The following PTPRA variants were observed in gnomAD, a reference collection of about 807,000 sequenced individuals.
PTPRA encodes receptor-type tyrosine-protein phosphatase alpha.
PTPRA carries 25 observed loss-of-function variants against 104.8 expected under a neutral mutation model. That is an observed-to-expected ratio of 0.24 (90% CI 0.17 to 0.33). The LOEUF is 0.33. Ranked by LOEUF, PTPRA falls within the 10% of genes least tolerant of loss-of-function variation. The probability of loss-of-function intolerance (pLI) is 1.00; values close to 1 mark genes in which losing one functional copy is unlikely to be tolerated. For synonymous variants in PTPRA, 323 were observed against 368.9 expected (o/e 0.88, Z 1.43); for missense variants, 765 against 1,015.3 (o/e 0.75, Z 3.35).
intron 14 of PTPRA, among the ~76,000 whole-genome samples, 197 bp from the exon 15 acceptor site, chr20:3,021,857 C>T (rs1480541540): frequency 6.6e-6 from 1 of 152,208 alleles, no homozygotes; most frequent in African/African-American, 2.4e-5. Flanking sequence ...GAAAAGAGGA[C>T]TTAGCTGGGA....
intron 9 of PTPRA, among the ~76,000 whole-genome samples, chr20:2,995,634 T>C (rs898462894): frequency 2.6e-5 from 4 of 152,176 alleles, no homozygotes; most frequent in African/African-American, 9.7e-5. Flanking sequence ...AGCCTTATCT[T>C]TCTCATGAGC....
chr20:2,964,368 A>G lies in PTPRA; in HGVS notation c.73+18A>G. 2 of 1,558,726 alleles carry G rather than the reference A, an allele frequency of 1.3e-6. No individual in the cohort carries two copies. The highest frequency in any genetic ancestry group is 1.4e-5 in the African/African-American group (1 of 72,838). Reference sequence around the variant, plus strand: ...TACCACAGGTAAATTGTCATTTGATAAGGCTGCTATTTGAAATGAAATTTT... The same window carrying G: ...TACCACAGGTAAATTGTCATTTGATGAGGCTGCTATTTGAAATGAAATTTT... On this transcript the variant is annotated intron_variant, in intron 4 of 23. Coordinates refer to ENST00000399903, the MANE Select transcript of PTPRA (RefSeq NM_001385305.1).
At chr20:2,995,092 T>C (rs949941249) in intron 9 of PTPRA, among the ~76,000 whole-genome samples, 7 of 152,190 alleles carry the variant, frequency 4.6e-5, no homozygotes, top group African/African-American at 1.7e-4. Flanking sequence ...ATTGCACCAC[T>C]GCTCTCCAGC....
intron 9 of PTPRA, among the ~76,000 whole-genome samples, chr20:2,996,769 T>C (rs1056857770): frequency 1.3e-5 from 2 of 152,228 alleles, no homozygotes; most frequent in African/African-American, 4.8e-5. Context: ...CTAACCATTA[T>C]TTTGGACCTA....
chr20:3,016,135 T>C (rs7264982), intron 12 of PTPRA, among the ~76,000 whole-genome samples: 8,371 of 152,274 alleles, frequency 0.055, 726 homozygotes, highest in African/African-American at 0.19. Context: ...GAAAAGGCTG[T>C]ATACACAAAA....
intron 3 of PTPRA, among the ~76,000 whole-genome samples, chr20:2,951,919 TCACGA>T (rs1278084102): frequency 6.6e-6 from 1 of 152,044 alleles, no homozygotes; most frequent in African/African-American, 2.4e-5. Context: ...GGCAGGCGGA[TCACGA>T]GGTCAAGAGA....
intron 20 of PTPRA, among the ~76,000 whole-genome samples, chr20:3,028,234 AG>A (rs2065246857): frequency 6.6e-6 from 1 of 152,218 alleles, no homozygotes; most frequent in Non-Finnish European, 1.5e-5. Flanking sequence ...AGATAGGTCA[AG>A]GTTCTGAGGT....
rs764342890 is a variant in PTPRA at position 2,965,076 on chromosome 20, A to G, written c.289A>G (p.Ile97Val). The G allele has an allele frequency of 1.3e-5, 21 of 1,613,888 alleles. No homozygotes were observed. Among genetic ancestry groups the G allele is most frequent in the East Asian group, 6.7e-5 (3 of 44,902 alleles). The change falls in exon 5 of 24, where the codon ATA becomes GTA. Residue 97 changes from isoleucine to valine, a missense_variant. Coordinates refer to ENST00000399903, the MANE Select transcript of PTPRA (RefSeq NM_001385305.1). ...GTTRTASTNSIGITISPNGTW... is the reference protein window; with the variant it reads ...GTTRTASTNSVGITISPNGTW... ...CACAAGAACAGCAAGCACCAATTCT[A>G]TAGGCATTACAATTTCACCAAATGG...
intron 13 of PTPRA, among the ~76,000 whole-genome samples, chr20:3,019,403 GGTT>G (rs1280849310): frequency 6.6e-6 from 1 of 150,858 alleles, no homozygotes; most frequent in East Asian, 2.0e-4. Context: ...CAGACGGGGC[GGTT>G]GCCAGGCAGA....
chr20:3,019,533 G>C (rs1386118757), intron 13 of PTPRA, among the ~76,000 whole-genome samples: 3 of 150,976 alleles, frequency 2.0e-5, no homozygotes, highest in Non-Finnish European at 3.0e-5. Context: ...GGGCAGAGAC[G>C]CTCCTCACTT....
chr20:3,020,607 C>T (rs1198470456), intron 13 of PTPRA, among the ~76,000 whole-genome samples: 2 of 152,230 alleles, frequency 1.3e-5, no homozygotes, highest in Non-Finnish European at 2.9e-5. Context: ...CAAGTGCATG[C>T]CTGGCCTAAC....
intron 20 of PTPRA, among the ~76,000 whole-genome samples, chr20:3,034,820 AC>A (rs1304075855): frequency 1.3e-5 from 2 of 152,072 alleles, no homozygotes; most frequent in African/African-American, 4.8e-5. Context: ...CTCAGATCTT[AC>A]CCCCAAATTC....
At position 2,988,047 on chromosome 20, in the gene PTPRA, G is replaced by A; in HGVS notation, c.543G>A (p.Lys181=). 6.3e-7 allele frequency: 1 copy of A among 1,582,836 alleles called. No homozygotes were observed. Among genetic ancestry groups the A allele is most frequent in the Non-Finnish European group, 8.7e-7 (1 of 1,151,564 alleles). The part of the protein sequence containing the change: ...VLYMLRFKKY[K]QAGSHSNSFR... ...TTCTCATTAGGTTTAAGAAATACAA[G>A]CAAGCTGGGAGCCATTCCAATTCTT... is the stretch of plus-strand genomic sequence containing the variant. The change falls in exon 8 of 24, where the codon AAG becomes AAA. Residue 181 remains lysine, a synonymous_variant. Transcript: ENST00000399903.
intron 9 of PTPRA, among the ~76,000 whole-genome samples, chr20:2,992,674 TCCAAA>T (rs879346683): frequency 0.63 from 95,821 of 151,920 alleles, 32,128 homozygotes; most frequent in East Asian, 0.88. Context: ...TATATCCATA[TCCAAA>T]TATTACGATT....
intron 9 of PTPRA, among the ~76,000 whole-genome samples, chr20:3,004,665 C>A (rs1177350500): frequency 6.6e-6 from 1 of 152,230 alleles, no homozygotes; most frequent in Non-Finnish European, 1.5e-5. Flanking sequence ...TGCATGTCAT[C>A]TTTGTGTGGT....
chr20:2,918,471 C>A (rs2059989186), intron 1 of PTPRA, among the ~76,000 whole-genome samples: 1 of 152,176 alleles, frequency 6.6e-6, no homozygotes, highest in Non-Finnish European at 1.5e-5. Context: ...ATGGGACTTC[C>A]TATGAATGGC....
intron 1 of PTPRA, among the ~76,000 whole-genome samples, chr20:2,912,256 AT>A (rs1049098877): frequency 1.4e-5 from 2 of 146,358 alleles, no homozygotes; most frequent in African/African-American, 5.1e-5. Flanking sequence ...CAAAAAACAA[AT>A]TTTGAAAATA....
At chr20:2,968,723 A>C (rs774973751) in intron 5 of PTPRA, among the ~76,000 whole-genome samples, 1 of 152,030 alleles carries the variant, frequency 6.6e-6, no homozygotes, top group Non-Finnish European at 1.5e-5. Context: ...AGACCAGCCT[A>C]AGCATCGCAG....
rs2065875700 is a variant in PTPRA at position 3,037,788 on chromosome 20, C to T, written c.2335-271C>T. On this transcript the variant is annotated intron_variant, in intron 23 of 23. Coordinates refer to ENST00000399903, the MANE Select transcript of PTPRA (RefSeq NM_001385305.1). This position sits in a 1 kb window ranked among gnomAD's most constrained non-coding sequence, Gnocchi z 4.3. ...GGTAAGCGTGGGCCATGCTCAGCTG[C>T]ACTGTCTCCCAGCCCAGCACATGCC... Among the ~76,000 whole-genome samples, 1 of 152,202 alleles carries T rather than the reference C, an allele frequency of 6.6e-6. No individual in the cohort carries two copies. Among genetic ancestry groups the T allele is most frequent in the African/African-American group, 2.4e-5 (1 of 41,456 alleles).
Sources: allele counts gnomAD v4.1 joint callset (sites outside exome capture counted in the v4.1 genomes callset), GRCh38; gene constraint gnomAD v4.1.1; non-coding constraint Gnocchi (gnomAD v3.1); transcripts MANE v1.5; gene names NCBI Gene and HGNC (gene_info 2026-07-23, HGNC 2026-07-21).